SRPX: variants seen among roughly 807,000 people sequenced by gnomAD.
SRPX encodes the protein sushi repeat containing protein X-linked.
In SRPX, 24 loss-of-function variants were observed where a neutral mutation model predicts 38.1. The ratio of observed to expected loss-of-function variants is 0.63; its 90% confidence interval spans 0.46 to 0.89. SRPX has a LOEUF of 0.89. SRPX is among the 40% of genes least tolerant of loss of function. SRPX has a pLI of 0.00. For missense variants in SRPX, 416 were observed against 377.8 expected (o/e 1.10, Z -0.84); for synonymous variants, 184 against 153.8 (o/e 1.20, Z -1.45).
intron 1 of SRPX, among the ~76,000 whole-genome samples, chrX:38,194,699 G>T (rs1196927422): frequency 1.8e-5 from 2 of 110,891 alleles, no homozygotes; most frequent in African/African-American, 6.6e-5. Flanking sequence ...TAACGTGAAT[G>T]AAAAAATCAC....
chrX:38,202,317 G>A (rs1453256421), intron 1 of SRPX, among the ~76,000 whole-genome samples: 5 of 111,066 alleles, frequency 4.5e-5, no homozygotes, highest in African/African-American at 1.6e-4. Context: ...ATATCCATAT[G>A]TTTAACATTT....
intron 1 of SRPX, among the ~76,000 whole-genome samples, chrX:38,190,499 T>C (rs2147110173): frequency 8.9e-6 from 1 of 111,953 alleles, no homozygotes; most frequent in African/African-American, 3.2e-5. Flanking sequence ...CTGCCTGTGT[T>C]GGGAGGTAGA....
At chrX:38,191,153 T>A (rs1326454355) in intron 1 of SRPX, among the ~76,000 whole-genome samples, 1 of 112,126 alleles carries the variant, frequency 8.9e-6, no homozygotes, top group Non-Finnish European at 1.9e-5. Flanking sequence ...TAACATAAGA[T>A]GATAAGCCCA....
At chrX:38,206,723 G>T (rs773799533) in intron 1 of SRPX, among the ~76,000 whole-genome samples, 1 of 111,980 alleles carries the variant, frequency 8.9e-6, no homozygotes, top group African/African-American at 3.2e-5. Context: ...AGACAATAAG[G>T]GTACTGCTCA....
chrX:38,150,385 G>A (rs1269919577), intron 9 of SRPX, among the ~76,000 whole-genome samples: 1 of 112,114 alleles, frequency 8.9e-6, no homozygotes, highest in African/African-American at 3.2e-5. Flanking sequence ...CAAAGTCAGT[G>A]ATTATGAACA....
intron 1 of SRPX, among the ~76,000 whole-genome samples, chrX:38,206,007 C>T (rs1023787454): frequency 8.9e-6 from 1 of 112,628 alleles, no homozygotes; most frequent in Non-Finnish European, 1.9e-5. Context: ...AAATATGGGC[C>T]TGCCTTGTGA....
At chrX:38,158,808 G>A (rs1007908139) in intron 7 of SRPX, among the ~76,000 whole-genome samples, 2 of 110,637 alleles carry the variant, frequency 1.8e-5, no homozygotes, top group African/African-American at 3.3e-5. Flanking sequence ...GTGAAACCCC[G>A]TCTTTACTAA....
chrX:38,197,145 T>A (rs766032312), intron 1 of SRPX, among the ~76,000 whole-genome samples: 1 of 112,142 alleles, frequency 8.9e-6, no homozygotes, highest in East Asian at 2.8e-4. Flanking sequence ...CCATAGCTAG[T>A]TTGAAACCTA....
intron 4 of SRPX, among the ~76,000 whole-genome samples, chrX:38,168,274 G>A (rs1307118323): frequency 8.9e-6 from 1 of 111,898 alleles, no homozygotes; most frequent in Non-Finnish European, 1.9e-5. Flanking sequence ...AAAGCCAGCT[G>A]CCATCTAAAG....
Position 38,174,173 on chromosome X carries a change from C to G in SRPX, c.336G>C (p.Lys112Asn), listed in dbSNP as rs1029990702. ...ICQSNKRWSD[K>N]VICKQKRCPT... ...TGGCCTACTCACGTTTGCAGATGAC[C>G]TTGTCAGACCATCGTTTGTTTGACT... Residue 112 changes from lysine to asparagine, a missense_variant, in exon 3 of 10, where the codon AAG (lysine) becomes AAC (asparagine). Physicochemically the swap from Lys to Asn is moderately conservative, Grantham distance 94 (BLOSUM62 0). Coordinates refer to ENST00000378533, the MANE Select transcript of SRPX (RefSeq NM_006307.5). The G allele has an allele frequency of 6.6e-5, 73 of 1,102,402 alleles. No individual in the cohort carries two copies. The highest frequency in any genetic ancestry group is 8.3e-5 in the Non-Finnish European group (70 of 841,053). The allele number at this position is 1,102,402 out of a possible 1,213,427, so 90.9% of individuals were successfully genotyped here.
chrX:38,165,309 C>T (rs1436770901), intron 4 of SRPX, among the ~76,000 whole-genome samples: 1 of 112,252 alleles, frequency 8.9e-6, no homozygotes, highest in East Asian at 2.8e-4. Flanking sequence ...TTCTAGCTAT[C>T]ATCTAGTCAG....
chrX:38,210,088 T>A (rs1418047221), intron 1 of SRPX, among the ~76,000 whole-genome samples: 1 of 112,680 alleles, frequency 8.9e-6, no homozygotes, highest in Non-Finnish European at 1.9e-5. Context: ...TTTGGAAACG[T>A]CCACACCAGT....
intron 1 of SRPX, among the ~76,000 whole-genome samples, chrX:38,201,880 G>A (rs147211712): frequency 9.0e-6 from 1 of 111,119 alleles, no homozygotes; most frequent in Non-Finnish European, 1.9e-5. Flanking sequence ...GGTATCCCAG[G>A]ACTAGACTAA....
At chrX:38,220,459 G>A (rs374996092) in intron 1 of SRPX, among the ~76,000 whole-genome samples, 66 of 113,899 alleles carry the variant, frequency 5.8e-4, no homozygotes, top group African/African-American at 2.1e-3. Flanking sequence ...AGGTGCTAGG[G>A]CTCCCGTCGC....
In SRPX at chrX:38,178,265, C is replaced by T; in HGVS notation, c.157+20G>A. ...CCTGGCACCAGCAGGTCCTCATTAG[C>T]ACATAAGCAAAGCATTCACCTTTAT... On this transcript the variant is annotated intron_variant, in intron 2 of 9. Transcript: ENST00000378533. 1 of 1,196,499 alleles carries T rather than the reference C, an allele frequency of 8.4e-7. No individual in the cohort carries two copies. The highest frequency in any genetic ancestry group is 1.1e-6 in the Non-Finnish European group (1 of 883,430).
intron 1 of SRPX, among the ~76,000 whole-genome samples, chrX:38,185,268 A>G (rs1298777261): frequency 2.7e-5 from 3 of 112,321 alleles, no homozygotes; most frequent in Non-Finnish European, 5.6e-5. Context: ...TATTCTAATC[A>G]GTCCAGCTTC....
intron 3 of SRPX, among the ~76,000 whole-genome samples, chrX:38,172,864 C>G (rs1938499917): frequency 8.9e-6 from 1 of 112,733 alleles, no homozygotes; most frequent in Admixed American, 9.3e-5. Flanking sequence ...GATGCTTTCT[C>G]TTGTGAAAAG....
chrX:38,199,115 C>T (rs1939056941), intron 1 of SRPX, among the ~76,000 whole-genome samples: 1 of 110,453 alleles, frequency 9.1e-6, no homozygotes, highest in Non-Finnish European at 1.9e-5. Context: ...GAATTTAAAA[C>T]TTTAGTGTGG....
At chrX:38,173,089 C>T (rs752629027) in intron 3 of SRPX, among the ~76,000 whole-genome samples, 2 of 112,347 alleles carry the variant, frequency 1.8e-5, no homozygotes, top group Non-Finnish European at 3.8e-5. Context: ...TGCATAGTCT[C>T]GATGACATGG....
Sources: allele counts gnomAD v4.1 joint callset (sites outside exome capture counted in the v4.1 genomes callset), GRCh38; gene constraint gnomAD v4.1.1; transcripts MANE v1.5; gene names NCBI Gene and HGNC (gene_info 2026-07-23, HGNC 2026-07-21).